ZSCAN5A: variants seen among roughly 807,000 people sequenced by gnomAD.
ZSCAN5A encodes the protein zinc finger and SCAN domain-containing protein 5A.
Under a neutral mutation model 23.7 loss-of-function variants are expected in ZSCAN5A, and 12 were observed. The observed-to-expected ratio is 0.51, with a 90% CI of 0.32 to 0.82. The LOEUF (loss-of-function observed/expected upper bound fraction) is 0.82. ZSCAN5A is among the 40% of genes least tolerant of loss of function. The probability of loss-of-function intolerance (pLI) is 0.03; values close to 1 mark genes in which losing one functional copy is unlikely to be tolerated. For synonymous variants in ZSCAN5A, 257 were observed against 239.9 expected, an observed-to-expected ratio of 1.07 and a Z score of -0.66; for missense variants, 597 against 617.9, an observed-to-expected ratio of 0.97 and a Z score of 0.36.
chr19:56,263,330 A>G (rs898655533), intron 2 of ZSCAN5A: 1 of 152,192 alleles, frequency 6.6e-6, no homozygotes, highest in African/African-American at 2.4e-5. Context: ...TGCCAGGAAC[A>G]TGTTATGTGC....
At chr19:56,245,158 A>G (rs1568638768) in intron 2 of ZSCAN5A, 1 of 472,662 alleles carries the variant, frequency 2.1e-6, no homozygotes, top group Non-Finnish European at 3.9e-6. Context: ...GGCAGGACCC[A>G]GGGAATATGA....
chr19:56,259,683 G>T (rs539752196), intron 2 of ZSCAN5A, among the ~76,000 whole-genome samples: 3 of 152,310 alleles, frequency 2.0e-5, no homozygotes, highest in Non-Finnish European at 4.4e-5. Flanking sequence ...GAAAGTAAAT[G>T]AAAAAGTTGA....
At chr19:56,268,289 C>G (rs1347640859) in intron 2 of ZSCAN5A, among the ~76,000 whole-genome samples, 1 of 152,162 alleles carries the variant, frequency 6.6e-6, no homozygotes, top group African/African-American at 2.4e-5. Flanking sequence ...GCCGAGACCC[C>G]TTGTGTGGGC....
intron 2 of ZSCAN5A, chr19:56,302,804 T>G (rs1446601049): frequency 2.5e-6 from 1 of 398,506 alleles, no homozygotes; most frequent in Non-Finnish European, 4.4e-6. Context: ...TCACTCATTC[T>G]GCCTCTCTCT....
intron 2 of ZSCAN5A, among the ~76,000 whole-genome samples, chr19:56,248,435 T>G (rs1164233796): frequency 6.6e-6 from 1 of 151,998 alleles, no homozygotes; most frequent in Non-Finnish European, 1.5e-5. Context: ...ATTTTTGTAT[T>G]TTTTTGTAGA....
At chr19:56,265,109 G>T (rs577402380) in intron 2 of ZSCAN5A, among the ~76,000 whole-genome samples, 1 of 152,130 alleles carries the variant, frequency 6.6e-6, no homozygotes, top group East Asian at 1.9e-4. Flanking sequence ...GTGACAGAGT[G>T]AGACTCCATC....
chr19:56,292,930 G>A (rs954140695), intron 2 of ZSCAN5A, among the ~76,000 whole-genome samples: 2 of 152,208 alleles, frequency 1.3e-5, no homozygotes, highest in African/African-American at 2.4e-5. Flanking sequence ...ATACTCCATT[G>A]CATGGATAGA....
chr19:56,331,578 CTTTTT>C (rs68085541), intron 2 of ZSCAN5A, among the ~76,000 whole-genome samples: 2 of 48,962 alleles, frequency 4.1e-5, no homozygotes, highest in East Asian at 1.5e-3. Context: ...GAATTGCATT[CTTTTT>C]TTTTTTTTTT....
intron 2 of ZSCAN5A, among the ~76,000 whole-genome samples, chr19:56,332,931 G>A (rs2041502545): frequency 6.6e-6 from 1 of 152,142 alleles, no homozygotes; most frequent in Non-Finnish European, 1.5e-5. Context: ...AGTTTGGTGT[G>A]ACATAAAATT....
At chr19:56,254,944 C>T (rs1424974865) in intron 2 of ZSCAN5A, among the ~76,000 whole-genome samples, 1 of 152,018 alleles carries the variant, frequency 6.6e-6, no homozygotes, top group Admixed American at 6.6e-5. Flanking sequence ...AACCCCTTTT[C>T]AGATATGTAA....
intron 2 of ZSCAN5A, among the ~76,000 whole-genome samples, chr19:56,327,039 T>C (rs2041440885): frequency 6.6e-6 from 1 of 151,018 alleles, no homozygotes; most frequent in Non-Finnish European, 1.5e-5. Context: ...GACACTTACA[T>C]GAATATAGAA....
At chr19:56,294,489 AT>A (rs368273704) in intron 2 of ZSCAN5A, among the ~76,000 whole-genome samples, 1 of 151,468 alleles carries the variant, frequency 6.6e-6, no homozygotes, top group South Asian at 2.1e-4. Flanking sequence ...ATCAATCAGC[AT>A]TTTTTTTTCT....
At chr19:56,239,473 A>G (rs1169584011) in intron 2 of ZSCAN5A, among the ~76,000 whole-genome samples, 1 of 152,214 alleles carries the variant, frequency 6.6e-6, no homozygotes, top group Non-Finnish European at 1.5e-5. Context: ...GCTGAGAACC[A>G]GGGAACCCTG....
chr19:56,242,234 C>T (rs986229274), intron 2 of ZSCAN5A, among the ~76,000 whole-genome samples: 10 of 152,162 alleles, frequency 6.6e-5, no homozygotes, highest in Admixed American at 3.3e-4. Flanking sequence ...GCCACTCTAG[C>T]AGGCGTGAGG....
chr19:56,344,496 G>C (rs1390049322), intron 2 of ZSCAN5A, among the ~76,000 whole-genome samples: 2 of 152,228 alleles, frequency 1.3e-5, no homozygotes, highest in East Asian at 3.9e-4. Context: ...CAAAGGGCCA[G>C]GCATGGTGGC....
intron 2 of ZSCAN5A, among the ~76,000 whole-genome samples, chr19:56,328,806 G>A (rs1434731296): frequency 2.7e-5 from 4 of 149,972 alleles, no homozygotes; most frequent in East Asian, 2.0e-4. Flanking sequence ...TCGAGACCAC[G>A]GTGAAACCCC....
intron 2 of ZSCAN5A, among the ~76,000 whole-genome samples, chr19:56,253,525 G>A (rs1399881742): frequency 2.6e-5 from 4 of 152,134 alleles, no homozygotes; most frequent in African/African-American, 9.7e-5. Flanking sequence ...TGAACACCTG[G>A]GTGGCAGTCT....
intron 2 of ZSCAN5A, among the ~76,000 whole-genome samples, chr19:56,281,256 T>C (rs996947983): frequency 2.0e-5 from 3 of 152,154 alleles, no homozygotes; most frequent in African/African-American, 7.2e-5. Context: ...GGGGTTGGTC[T>C]TTCTGTCTCA....
chr19:56,245,292 C>G (rs773866285), intron 2 of ZSCAN5A: 2 of 729,350 alleles, frequency 2.7e-6, no homozygotes, highest in Non-Finnish European at 2.5e-6. Flanking sequence ...GAAATCCCTG[C>G]CAGTGTCAGA....
Sources: allele counts gnomAD v4.1 joint callset (sites outside exome capture counted in the v4.1 genomes callset), GRCh38; gene constraint gnomAD v4.1.1; transcripts MANE v1.5; gene names NCBI Gene and HGNC (gene_info 2026-07-23, HGNC 2026-07-21).